The following VPS13B variants were observed in gnomAD, a reference collection of about 807,000 sequenced individuals.
VPS13B encodes vacuolar protein sorting 13 homolog B.
VPS13B carries 285 observed loss-of-function variants against 426.4 expected under a neutral mutation model. That is an observed-to-expected ratio of 0.67 (90% CI 0.61 to 0.74). VPS13B has a LOEUF of 0.74. VPS13B is among the 30% of genes least tolerant of loss of function. The pLI is 0.00. For synonymous variants in VPS13B, 1,676 were observed against 1,676.4 expected (o/e 1.00, Z 0.01); for missense variants, 4,537 against 4,782.6 (o/e 0.95, Z 1.51).
intron 35 of VPS13B, among the ~76,000 whole-genome samples, chr8:99,698,483 C>A (rs1285365218): frequency 6.6e-6 from 1 of 152,196 alleles, no homozygotes; most frequent in African/African-American, 2.4e-5. Flanking sequence ...ATCTTGATTT[C>A]TAGATATTGG....
chr8:99,301,799 G>GT (rs772694292), intron 19 of VPS13B, among the ~76,000 whole-genome samples: 2 of 151,934 alleles, frequency 1.3e-5, no homozygotes, highest in African/African-American at 2.4e-5. Context: ...TTTTGTTTTT[G>GT]TTTTTTAAAT....
chr8:99,737,179 G>A (rs1281262535), intron 39 of VPS13B, among the ~76,000 whole-genome samples: 2 of 122,838 alleles, frequency 1.6e-5, no homozygotes, highest in African/African-American at 6.4e-5. Flanking sequence ...GGAGTGCAGG[G>A]GCGCGATCTC....
intron 33 of VPS13B, among the ~76,000 whole-genome samples, chr8:99,580,984 A>AAC (rs34074519): frequency 0.33 from 41,540 of 126,346 alleles, 6,895 homozygotes; most frequent in East Asian, 0.51. Context: ...ATCTCTACAA[A>AAC]ACACACACAC....
At position 99,853,709 on chromosome 8, in the gene VPS13B, C is replaced by G. The variant is rs747699484; in HGVS notation, c.10320C>G (p.His3440Gln). 1 of 1,614,134 alleles carries G rather than the reference C, an allele frequency of 6.2e-7. No homozygotes were observed. Among genetic ancestry groups the G allele is most frequent in the South Asian group, 1.1e-5 (1 of 91,086 alleles). ...DNQLYNKSNF[H>Q]FAVLVCQGEK... ...AGCTTTATAACAAGTCCAATTTCCA[C>G]TTTGCTGTCTTAGTCTGCCAGGGAG... The change falls in exon 56 of 62, where the codon CAC becomes CAG. Residue 3440 changes from histidine to glutamine, a missense_variant. This residue lies in a region of VPS13B where 4,311 missense variants were observed against 4,474.3 expected (regional missense o/e 0.96). Transcript: ENST00000357162.
chr8:99,760,037 C>G (rs944651939), intron 39 of VPS13B, among the ~76,000 whole-genome samples: 17 of 151,990 alleles, frequency 1.1e-4, no homozygotes, highest in Non-Finnish European at 2.9e-5. Flanking sequence ...AGTGCAGTGG[C>G]ATGATCTCGG....
intron 59 of VPS13B, 64 bp downstream of exon 59, chr8:99,868,529 G>C: frequency 6.5e-7 from 1 of 1,548,948 alleles, no homozygotes; most frequent in Non-Finnish European, 8.7e-7. Flanking sequence ...TTATACCAAG[G>C]GTTCCCTAAG....
chr8:99,831,821 A>G (rs1192123958), intron 51 of VPS13B, among the ~76,000 whole-genome samples: 1 of 152,244 alleles, frequency 6.6e-6, no homozygotes, highest in Admixed American at 6.5e-5. Context: ...CCATTTTTGT[A>G]TAAGGGACTT....
intron 2 of VPS13B, among the ~76,000 whole-genome samples, chr8:99,028,356 T>C (rs1206230629): frequency 9.1e-5 from 11 of 120,870 alleles, no homozygotes; most frequent in South Asian, 2.8e-4. Flanking sequence ...CCCCCCCACC[T>C]CCCTCCCGGA....
intron 20 of VPS13B, among the ~76,000 whole-genome samples, chr8:99,385,416 A>G (rs906423803): frequency 6.6e-6 from 1 of 152,218 alleles, no homozygotes; most frequent in Non-Finnish European, 1.5e-5. Context: ...ACAATTTTAT[A>G]ATTATGTAAG....
At chr8:99,111,311 C>T (rs1448234268) in intron 6 of VPS13B, 32 bp downstream of exon 6, 2 of 1,558,462 alleles carry the variant, frequency 1.3e-6, no homozygotes, top group African/African-American at 1.4e-5. Flanking sequence ...AGTTAAGTTG[C>T]ATGTCTTTAT....
chr8:99,236,293 G>A (rs4552872), intron 17 of VPS13B, among the ~76,000 whole-genome samples: 125,365 of 151,750 alleles, frequency 0.83, 52,294 homozygotes, highest in South Asian at 0.89. Context: ...TCTGCTGCCC[G>A]GGCTGGAGTG....
At position 99,034,075 on chromosome 8, in the gene VPS13B, G is replaced by A. The variant is rs943852883; in HGVS notation, c.148-4348G>A. On this transcript the variant is annotated intron_variant, in intron 2 of 61. Transcript: ENST00000357162. ...TGTCATAGTTGTTTGTTGTAAATTG[G>A]ACATTTTGTGTAATATATTGCAGCA... Among the ~76,000 whole-genome samples the A allele has an allele frequency of 1.3e-4, 20 of 152,222 alleles. No homozygotes were observed. The East Asian group carries it at 3.9e-3, about 29-fold the overall frequency.
chr8:99,793,069 T>A (rs1007848633), intron 43 of VPS13B, among the ~76,000 whole-genome samples: 1 of 148,190 alleles, frequency 6.7e-6, no homozygotes, highest in East Asian at 2.0e-4. Flanking sequence ...TTAGGCATGG[T>A]GGTGCACACC....
At chr8:99,593,727 A>T (rs184127331) in intron 33 of VPS13B, among the ~76,000 whole-genome samples, 52 of 152,284 alleles carry the variant, frequency 3.4e-4, no homozygotes, top group Middle Eastern at 3.4e-3. Flanking sequence ...GTGTGCAGCC[A>T]TAAAAAGGAA....
chr8:99,116,283 C>T (rs575284372), intron 7 of VPS13B, among the ~76,000 whole-genome samples: 107 of 152,058 alleles, frequency 7.0e-4, no homozygotes, highest in African/African-American at 2.0e-3. Flanking sequence ...CTGCCCGCCT[C>T]AGCCTCCCAA....
At chr8:99,714,331 A>G (rs1036054791) in intron 36 of VPS13B, among the ~76,000 whole-genome samples, 3 of 152,180 alleles carry the variant, frequency 2.0e-5, no homozygotes, top group Non-Finnish European at 1.5e-5. Flanking sequence ...TATATGGGGT[A>G]GAAGGGACAG....
intron 23 of VPS13B, among the ~76,000 whole-genome samples, chr8:99,452,288 G>T (rs1818235542): frequency 6.6e-6 from 1 of 151,964 alleles, no homozygotes; most frequent in Admixed American, 6.6e-5. Flanking sequence ...CCTCCTTCAG[G>T]CTTCAGGGCA....
intron 3 of VPS13B, among the ~76,000 whole-genome samples, chr8:99,064,292 G>A (rs371590206): frequency 2.6e-5 from 4 of 152,102 alleles, no homozygotes; most frequent in African/African-American, 9.7e-5. Context: ...CAGAAGGTGG[G>A]TAATAACAAA....
rs773412105 is a variant in VPS13B at position 99,275,227 on chromosome 8, C to G, written c.2797C>G (p.Gln933Glu). The change falls in exon 19 of 62, where the codon CAA becomes GAA. Residue 933 changes from glutamine to glutamate, a missense_variant. Physicochemically the swap from Gln to Glu is conservative, Grantham distance 29. Around this residue, in one of 2 missense-constraint regions of VPS13B, gnomAD observed 4,311 missense variants for 4,474.3 expected, o/e 0.96. Transcript: ENST00000357162. ...DLMAFTIQVPQYIDYCHNSGA... is the reference protein window; with the variant it reads ...DLMAFTIQVPEYIDYCHNSGA... ...GATGGCCTTCACAATCCAAGTTCCA[C>G]AATATATTGACTACTGCCACAATTC... 2.1e-5 allele frequency: 34 copies of G among 1,595,548 alleles called. No individual in the cohort carries two copies. Among genetic ancestry groups the G allele is most frequent in the Non-Finnish European group, 2.9e-5 (34 of 1,169,684 alleles).
Sources: allele counts gnomAD v4.1 joint callset (sites outside exome capture counted in the v4.1 genomes callset), GRCh38; gene constraint gnomAD v4.1.1; regional missense constraint gnomAD v4.1.1; transcripts MANE v1.5; gene names NCBI Gene and HGNC (gene_info 2026-07-23, HGNC 2026-07-21).